Variants in LSMEM2 observed in about 807,000 individuals in gnomAD.
The protein encoded by LSMEM2 is leucine-rich single-pass membrane protein 2.
A neutral mutation model predicts 17.3 loss-of-function variants in LSMEM2; 20 were observed. That is an observed-to-expected ratio of 1.16 (90% CI 0.81 to 1.68). The LOEUF is 1.68. Ranked by LOEUF, LSMEM2 falls within the 40% of genes most tolerant of loss-of-function variation. The pLI is 0.00. For missense variants in LSMEM2, 207 were observed against 214.3 expected (o/e 0.97, Z 0.21); for synonymous variants, 94 against 97.8 (o/e 0.96, Z 0.23).
chr3:50,286,416 AGAAG>A lies in LSMEM2; in HGVS notation c.59-49_59-46del, dbSNP rs1329178720. 1.2e-5 allele frequency: 18 copies of A among 1,523,576 alleles called. No homozygotes were observed. The African/African-American group carries it at 1.2e-4, about 11-fold the overall frequency. 94.4% of individuals were successfully genotyped at this position (1,523,576 alleles called of 1,614,324 possible). A position where few individuals can be genotyped will look rare whatever the true frequency, so the allele number is the denominator to read the frequency against. ...TCCTTGCTGCCTGAAGCCACCTGGT[AGAAG>A]GAAGGGGGTTGACCCACCACTGGCT... On this transcript the variant is annotated intron_variant, in intron 1 of 3. Coordinates refer to ENST00000316436, the MANE Select transcript of LSMEM2 (RefSeq NM_153215.3).
intron 1 of LSMEM2, among the ~76,000 whole-genome samples, chr3:50,279,721 A>G (rs151116849): frequency 6.6e-6 from 1 of 152,208 alleles, no homozygotes; most frequent in East Asian, 1.9e-4. Flanking sequence ...ACTGCATATA[A>G]GAAGTACTGA....
Position 50,281,351 on chromosome 3 carries a change from C to G in LSMEM2, c.58+2180C>G, listed in dbSNP as rs782307783. ...CTGGGATTACAGGCATGGGCCACTG[C>G]GCCCGGCCCTTTTTTTTTTTTTTTT... On this transcript the variant is annotated intron_variant, in intron 1 of 3. Coordinates refer to ENST00000316436, the MANE Select transcript of LSMEM2 (RefSeq NM_153215.3). Among the ~76,000 whole-genome samples the G allele has an allele frequency of 1.0e-3, 149 of 144,602 alleles. 1 individual carries two copies. Among genetic ancestry groups the G allele is most frequent in the African/African-American group, 3.8e-3 (146 of 38,724 alleles). 94.9% of individuals were successfully genotyped at this position (144,602 alleles called of 152,430 possible).
At chr3:50,281,644 T>TGAGCCAC (rs1223215045) in intron 1 of LSMEM2, among the ~76,000 whole-genome samples, 2 of 150,960 alleles carry the variant, frequency 1.3e-5, no homozygotes, top group African/African-American at 4.9e-5. Context: ...ATTATAGGTG[T>TGAGCCAC]GAGCCACTGC....
Position 50,285,946 on chromosome 3 carries a change from A to G in LSMEM2, c.59-525A>G, listed in dbSNP as rs150622018. The stretch of plus-strand genomic sequence containing the variant: ...TCAGAGGCATGTGCAACAGTATAAC[A>G]AAGAAGGGTCTCCCCAACAGTAAAT... On this transcript the variant is annotated intron_variant, in intron 1 of 3. Transcript: ENST00000316436. 1.0e-3 allele frequency among the ~76,000 whole-genome samples: 155 copies of G among 151,994 alleles called. 1 individual carries two copies. Among genetic ancestry groups the G allele is most frequent in the African/African-American group, 3.4e-3 (142 of 41,238 alleles).
In LSMEM2 at chr3:50,287,425, C is replaced by A; in HGVS notation, c.*223C>A. The A allele has an allele frequency of 3.1e-6, 2 of 641,776 alleles. No individual in the cohort carries two copies. Among genetic ancestry groups the A allele is most frequent in the Non-Finnish European group, 5.2e-6 (2 of 381,438 alleles). The allele number at this position is 641,776 out of a possible 1,614,324, so 39.8% of individuals were successfully genotyped here. A position where few individuals can be genotyped will look rare whatever the true frequency, so the allele number is the denominator to read the frequency against. On this transcript the variant is annotated 3_prime_UTR_variant, in exon 4 of 4. Coordinates refer to ENST00000316436, the MANE Select transcript of LSMEM2 (RefSeq NM_153215.3). Reference sequence around the variant, plus strand: ...GGTGCCAAAGCCTCGCTTTGGGTGGCCCAAGGTCAGGGGAAGGGGCACCAG... The same window carrying A: ...GGTGCCAAAGCCTCGCTTTGGGTGGACCAAGGTCAGGGGAAGGGGCACCAG...
Position 50,287,199 on chromosome 3 carries a change from C to G in LSMEM2, c.492C>G (p.Ser164Arg). The change falls in exon 4 of 4, where the codon AGC becomes AGG. Residue 164 changes from serine (S) to arginine (R), a missense_variant. Coordinates refer to ENST00000316436, the MANE Select transcript of LSMEM2 (RefSeq NM_153215.3). ...RLNSSEAQAP[S>R] ...ACTCCAGTGAGGCCCAAGCACCCAG[C>G]TGAGATGCCATTTGGATCTGGGGCC... 6.2e-7 allele frequency: 1 copy of G among 1,613,510 alleles called. No homozygotes were observed. The highest frequency in any genetic ancestry group is 8.5e-7 in the Non-Finnish European group (1 of 1,179,992).
chr3:50,280,595 CTTT>C (rs58315474), intron 1 of LSMEM2, among the ~76,000 whole-genome samples: 7 of 136,344 alleles, frequency 5.1e-5, no homozygotes, highest in Non-Finnish European at 4.8e-5. Context: ...CCTTTCTTTT[CTTT>C]TTTTTTTTTT....
intron 1 of LSMEM2, among the ~76,000 whole-genome samples, chr3:50,283,229 C>A (rs1005620965): frequency 6.6e-6 from 1 of 150,642 alleles, no homozygotes; most frequent in African/African-American, 2.4e-5. Context: ...CGATGGCTCA[C>A]GCCTATAATC....
chr3:50,279,309 A>C, intron 1 of LSMEM2, 138 bp downstream of exon 1: 1 of 779,996 alleles, frequency 1.3e-6, no homozygotes, highest in Non-Finnish European at 2.2e-6. Context: ...AGCTCCAGTA[A>C]AAGGACCTGC....
intron 1 of LSMEM2, among the ~76,000 whole-genome samples, chr3:50,280,270 T>C (rs1256203065): frequency 6.6e-6 from 1 of 150,760 alleles, no homozygotes; most frequent in Non-Finnish European, 1.5e-5. Context: ...TTCTCCTGTC[T>C]CAGGCTCCCA....
chr3:50,286,411 CT>C lies in LSMEM2; in HGVS notation c.59-59del. On this transcript the variant is annotated intron_variant, in intron 1 of 3. Coordinates refer to ENST00000316436, the MANE Select transcript of LSMEM2 (RefSeq NM_153215.3). ...GCAAGTCCTTGCTGCCTGAAGCCACCTGGTAGAAGGAAGGGGGTTGACCCAC... is the reference window on the plus strand; with the variant it reads ...GCAAGTCCTTGCTGCCTGAAGCCACCGGTAGAAGGAAGGGGGTTGACCCAC... 4.0e-6 allele frequency: 6 copies of C among 1,517,950 alleles called. No homozygotes were observed. In the South Asian group the frequency reaches 4.8e-5, roughly 12 times the overall value. 94.0% of individuals were successfully genotyped at this position (1,517,950 alleles called of 1,614,324 possible). A position where few individuals can be genotyped will look rare whatever the true frequency, so the allele number is the denominator to read the frequency against.
Position 50,286,880 on chromosome 3 carries a change from G to A in LSMEM2, c.361+18G>A, listed in dbSNP as rs1553708622. ...CCTGAGCGGTATGGACGCATAGGGT[G>A]CTAGTAGGAATGGAAAGCAAGGCAG... On this transcript the variant is annotated intron_variant, in intron 3 of 3. Transcript: ENST00000316436. 6.8e-6 allele frequency: 11 copies of A among 1,611,530 alleles called. No homozygotes were observed. Among genetic ancestry groups the A allele is most frequent in the Admixed American group, 1.7e-5 (1 of 59,912 alleles).
At chr3:50,284,325 G>A (rs1399079728) in intron 1 of LSMEM2, among the ~76,000 whole-genome samples, 3 of 151,922 alleles carry the variant, frequency 2.0e-5, no homozygotes, top group Non-Finnish European at 4.4e-5. Flanking sequence ...ATGTGTGCAC[G>A]TGTGCATGTA....
rs1553708683 is a variant in LSMEM2, at chr3:50,287,114, C to T, written c.407C>T (p.Thr136Met). Residue 136 changes from threonine (T) to methionine (M), a missense_variant, in exon 4 of 4, where the codon ACG (threonine) becomes ATG (methionine). Thr to Met is a moderately conservative substitution (Grantham distance 81). Transcript: ENST00000316436. The stretch of plus-strand genomic sequence containing the variant: ...CGCATCCTGGCACACACGCTCCGCA[C>T]GCAGGAGGAGACACTACTCAAACTC... Reference protein sequence around the residue: ...SLRILAHTLRTQEETLLKLRL... With the variant: ...SLRILAHTLRMQEETLLKLRL... 8.1e-6 allele frequency: 13 copies of T among 1,614,148 alleles called. No homozygotes were observed. Among genetic ancestry groups the T allele is most frequent in the Admixed American group, 1.7e-5 (1 of 60,008 alleles).
chr3:50,286,064 C>G (rs1211621426), intron 1 of LSMEM2, among the ~76,000 whole-genome samples: 1 of 152,214 alleles, frequency 6.6e-6, no homozygotes, highest in Admixed American at 6.5e-5. Context: ...GGAAAGGCAC[C>G]AGAGTGGCTA....
rs1320356178 is a variant in LSMEM2 at position 50,287,335 on chromosome 3, C to CTGT, written c.*138_*140dup. The CTGT allele has an allele frequency of 5.9e-6, 7 of 1,196,274 alleles. No individual in the cohort carries two copies. The Admixed American group carries it at 1.0e-4, about 18-fold the overall frequency. 74.1% of individuals were successfully genotyped at this position (1,196,274 alleles called of 1,614,324 possible). A position where few individuals can be genotyped will look rare whatever the true frequency, so the allele number is the denominator to read the frequency against. ...CTTGGTGAGATTTTTGTACAAGAAC[C>CTGT]TGTTGTTAACTTAATGGCTGCCTCC... On this transcript the variant is annotated 3_prime_UTR_variant, in exon 4 of 4. Coordinates refer to ENST00000316436, the MANE Select transcript of LSMEM2 (RefSeq NM_153215.3).
upstream of LSMEM2, among the ~76,000 whole-genome samples, chr3:50,278,286 C>T (rs1553707315): frequency 6.6e-6 from 1 of 152,220 alleles, no homozygotes; most frequent in Non-Finnish European, 1.5e-5. Flanking sequence ...GGAAGCTGGA[C>T]CACCTCCTCC....
chr3:50,287,614 G>A lies in LSMEM2; in HGVS notation c.*412G>A. The A allele has an allele frequency of 8.0e-6, 2 of 248,804 alleles. No homozygotes were observed. Among genetic ancestry groups the A allele is most frequent in the South Asian group, 1.2e-4 (2 of 17,262 alleles). The allele number at this position is 248,804 out of a possible 1,614,324, so 15.4% of individuals were successfully genotyped here. A position where few individuals can be genotyped will look rare whatever the true frequency, so the allele number is the denominator to read the frequency against. ...AAAGACAGGCTGGGCTCTGAGTAGG[G>A]GGAGAGGCACCACCTGGGGAAGACT... On this transcript the variant is annotated 3_prime_UTR_variant, in exon 4 of 4. Transcript: ENST00000316436.
At chr3:50,280,764 T>C (rs1701376562) in intron 1 of LSMEM2, among the ~76,000 whole-genome samples, 1 of 151,710 alleles carries the variant, frequency 6.6e-6, no homozygotes. Context: ...TGGCTAATTT[T>C]TTGTATTTTT....
Sources: allele counts gnomAD v4.1 joint callset (sites outside exome capture counted in the v4.1 genomes callset), GRCh38; gene constraint gnomAD v4.1.1; transcripts MANE v1.5; gene names NCBI Gene and HGNC (gene_info 2026-07-23, HGNC 2026-07-21).